The following CLSTN2 variants were observed in gnomAD, a reference collection of about 807,000 sequenced individuals.
CLSTN2 encodes the protein calsyntenin-2.
A neutral mutation model predicts 101.2 loss-of-function variants in CLSTN2; 48 were observed. The ratio of observed to expected loss-of-function variants is 0.47; its 90% confidence interval spans 0.38 to 0.60. The LOEUF (loss-of-function observed/expected upper bound fraction) is 0.60, where lower values mean the gene tolerates loss of function less well. Among genes scored for constraint, CLSTN2 ranks in the 20% least tolerant of loss-of-function variants. The pLI, the probability that CLSTN2 is intolerant of heterozygous loss-of-function variation, is 0.00. For missense variants in CLSTN2, 1,160 were observed against 1,238.2 expected, an observed-to-expected ratio of 0.94 and a Z score of 0.95; for synonymous variants, 481 against 463.6, an observed-to-expected ratio of 1.04 and a Z score of -0.48.
intron 1 of CLSTN2, among the ~76,000 whole-genome samples, chr3:140,092,185 G>A (rs1055283959): frequency 2.6e-5 from 4 of 152,204 alleles, no homozygotes; most frequent in African/African-American, 9.7e-5. Flanking sequence ...CTACTTAGAA[G>A]TGTTTAGGAA....
intron 1 of CLSTN2, among the ~76,000 whole-genome samples, chr3:139,955,591 G>A (rs1289540407): frequency 2.6e-5 from 4 of 152,268 alleles, no homozygotes; most frequent in African/African-American, 2.4e-5. Context: ...TCTTCGGGCC[G>A]GGCTCATGGG....
At chr3:140,306,061 C>T (rs1157399952) in intron 2 of CLSTN2, among the ~76,000 whole-genome samples, 1 of 152,230 alleles carries the variant, frequency 6.6e-6, no homozygotes, top group East Asian at 1.9e-4. Context: ...GTGCCCCCTA[C>T]ACCCTCATAG....
chr3:140,250,121 A>C (rs1464893686), intron 2 of CLSTN2, among the ~76,000 whole-genome samples: 2 of 152,230 alleles, frequency 1.3e-5, no homozygotes, highest in African/African-American at 4.8e-5. Context: ...ATAAAGCCAA[A>C]CAAGACTACA....
At chr3:140,553,618 T>G (rs1320724887) in intron 10 of CLSTN2, among the ~76,000 whole-genome samples, 1 of 152,230 alleles carries the variant, frequency 6.6e-6, no homozygotes, top group Non-Finnish European at 1.5e-5. Context: ...AAGTTTAGTT[T>G]TCTCTTATAC....
chr3:139,956,494 C>G (rs1404613950), intron 1 of CLSTN2, among the ~76,000 whole-genome samples: 1 of 152,104 alleles, frequency 6.6e-6, no homozygotes, highest in Admixed American at 6.5e-5. Context: ...TTGCTCACAT[C>G]CTGTTCTCCA....
intron 2 of CLSTN2, among the ~76,000 whole-genome samples, chr3:140,353,387 C>T (rs183089750): frequency 1.4e-4 from 21 of 152,174 alleles, no homozygotes; most frequent in African/African-American, 4.1e-4. Flanking sequence ...TGTTCCAGGG[C>T]GTGAAGCATC....
At chr3:140,273,822 T>TA (rs1236113622) in intron 2 of CLSTN2, among the ~76,000 whole-genome samples, 1 of 152,186 alleles carries the variant, frequency 6.6e-6, no homozygotes, top group East Asian at 1.9e-4. Flanking sequence ...GAAGGCACTT[T>TA]GTAGTTGATC....
chr3:140,358,258 G>A (rs750734492), intron 2 of CLSTN2, among the ~76,000 whole-genome samples: 25 of 152,130 alleles, frequency 1.6e-4, no homozygotes, highest in Admixed American at 1.1e-3. Flanking sequence ...CCTGGCTTTA[G>A]GAAGCATTTA....
chr3:140,518,491 TCTC>T lies in CLSTN2; in HGVS notation c.1345-13830_1345-13828del, dbSNP rs374856899. On this transcript the variant is annotated intron_variant, in intron 8 of 16. Transcript: ENST00000458420. Reference sequence around the variant, plus strand: ...AGCCCCCAGGGCTCTTCCCCCTACTTCTCCTACTCCTGTTTTTCACTTGGCTCT... The same window carrying T: ...AGCCCCCAGGGCTCTTCCCCCTACTTCTACTCCTGTTTTTCACTTGGCTCT... Among the ~76,000 whole-genome samples the T allele has an allele frequency of 3.2e-3, 491 of 152,190 alleles. 2 individuals carry two copies. The highest frequency in any genetic ancestry group is 0.011 in the African/African-American group (471 of 41,544).
intron 4 of CLSTN2, among the ~76,000 whole-genome samples, chr3:140,406,249 C>T (rs561491969): frequency 1.5e-4 from 23 of 152,130 alleles, no homozygotes; most frequent in Non-Finnish European, 2.9e-4. Context: ...TCTTCTGTAC[C>T]CTGAGACTGC....
chr3:140,340,368 C>T (rs1489330956), intron 2 of CLSTN2, among the ~76,000 whole-genome samples: 1 of 152,206 alleles, frequency 6.6e-6, no homozygotes, highest in African/African-American at 2.4e-5. Flanking sequence ...GATTAAAAAA[C>T]ATAAGTGTAG....
intron 8 of CLSTN2, among the ~76,000 whole-genome samples, chr3:140,473,065 G>A (rs1188866924): frequency 6.6e-6 from 1 of 152,158 alleles, no homozygotes; most frequent in Non-Finnish European, 1.5e-5. Context: ...GTTGTGCAAT[G>A]GTTGGATTGT....
rs543174656 is a variant in CLSTN2, at chr3:140,484,568, TAG to T, written c.1344+17838_1344+17839del. ...ATATCCTGCAGAGTGTTTTCCAACT[TAG>T]TTCCATTCTCCCCATCACTTTCAGG... On this transcript the variant is annotated intron_variant, in intron 8 of 16. Coordinates refer to ENST00000458420, the MANE Select transcript of CLSTN2 (RefSeq NM_022131.3). Among the ~76,000 whole-genome samples, 538 of 152,316 alleles carry T rather than the reference TAG, an allele frequency of 3.5e-3. 2 individuals carry two copies. Among genetic ancestry groups the T allele is most frequent in the African/African-American group, 0.013 (522 of 41,580 alleles).
intron 2 of CLSTN2, among the ~76,000 whole-genome samples, chr3:140,268,521 C>T (rs1183879171): frequency 6.6e-6 from 1 of 152,170 alleles, no homozygotes; most frequent in Non-Finnish European, 1.5e-5. Context: ...GTGTTGTGAG[C>T]TTTCATGTGG....
intron 1 of CLSTN2, among the ~76,000 whole-genome samples, chr3:140,060,488 G>A (rs1392777977): frequency 6.6e-6 from 1 of 152,168 alleles, no homozygotes; most frequent in East Asian, 1.9e-4. Flanking sequence ...TAAGTGAAAT[G>A]TGTAGATTCC....
At chr3:140,433,861 G>A (rs892735683) in intron 5 of CLSTN2, among the ~76,000 whole-genome samples, 4 of 152,182 alleles carry the variant, frequency 2.6e-5, no homozygotes, top group East Asian at 1.9e-4. Context: ...TTTGCTGTCT[G>A]TGTGACCTTA....
At position 140,063,113 on chromosome 3, in the gene CLSTN2, C is replaced by A. The variant is rs556476224; in HGVS notation, c.110-112838C>A. Among the ~76,000 whole-genome samples, 4 of 152,226 alleles carry A rather than the reference C, an allele frequency of 2.6e-5. No individual in the cohort carries two copies. The South Asian group carries it at 8.3e-4, about 32-fold the overall frequency. ...TGACATTTTGAGATGTCTGGGGCAA[C>A]TATGTCACATAAACACCAGTGATTT... On this transcript the variant is annotated intron_variant, in intron 1 of 16. Coordinates refer to ENST00000458420, the MANE Select transcript of CLSTN2 (RefSeq NM_022131.3).
At chr3:140,225,446 G>C (rs1218764555) in intron 2 of CLSTN2, among the ~76,000 whole-genome samples, 2 of 152,126 alleles carry the variant, frequency 1.3e-5, no homozygotes, top group African/African-American at 4.8e-5. Context: ...GCAGCATAAA[G>C]TTCAAATATT....
At chr3:140,325,126 G>A (rs905742787) in intron 2 of CLSTN2, among the ~76,000 whole-genome samples, 2 of 152,172 alleles carry the variant, frequency 1.3e-5, no homozygotes, top group Non-Finnish European at 2.9e-5. Context: ...TTGAACTCCT[G>A]GACTCAAGAG....
Sources: gnomAD v4.1 joint callset for allele counts (sites outside exome capture counted in the v4.1 genomes callset) on GRCh38, gnomAD v4.1.1 for gene constraint, MANE v1.5 for transcripts, NCBI Gene and HGNC (gene_info 2026-07-23, HGNC 2026-07-21) for gene names.